Variants in DENND1A observed in about 807,000 individuals in gnomAD.
The protein encoded by DENND1A is DENN domain containing 1A.
A neutral mutation model predicts 113.7 loss-of-function variants in DENND1A; 51 were observed. That is an observed-to-expected ratio of 0.45 (90% confidence interval 0.36 to 0.57). The LOEUF is 0.57. DENND1A is among the 20% of genes least tolerant of loss of function. The pLI, the probability that DENND1A is intolerant of heterozygous loss-of-function variation, is 0.00. For missense variants in DENND1A, 1,258 were observed against 1,395.9 expected (o/e 0.90, Z 1.57); for synonymous variants, 565 against 570.8 (o/e 0.99, Z 0.14).
chr9:123,909,832 GGT>G (rs1853641095), intron 1 of DENND1A, among the ~76,000 whole-genome samples: 1 of 152,022 alleles, frequency 6.6e-6, no homozygotes, highest in South Asian at 2.1e-4. Flanking sequence ...CATTTAGCAA[GGT>G]TGCTGGATAC....
chr9:123,476,302 C>G (rs181103998), intron 13 of DENND1A, among the ~76,000 whole-genome samples: 1 of 152,118 alleles, frequency 6.6e-6, no homozygotes, highest in East Asian at 1.9e-4. Context: ...AAAGGGGTCA[C>G]GATGGTGTGG....
At chr9:123,813,165 G>A (rs1836906812) in intron 2 of DENND1A, among the ~76,000 whole-genome samples, 1 of 152,094 alleles carries the variant, frequency 6.6e-6, no homozygotes, top group Non-Finnish European at 1.5e-5. Context: ...ATCTCACTAT[G>A]TTGTCCAGGC....
intron 5 of DENND1A, among the ~76,000 whole-genome samples, chr9:123,711,500 T>TGTATATAAATATATATATAA (rs2066601396): frequency 1.3e-5 from 1 of 75,384 alleles, no homozygotes; most frequent in African/African-American, 8.0e-5. Flanking sequence ...TATATATATA[T>TGTATATAAATATATATATAA]ATATGTATAT....
At chr9:123,816,648 G>T (rs1837538082) in intron 2 of DENND1A, among the ~76,000 whole-genome samples, 1 of 152,096 alleles carries the variant, frequency 6.6e-6, no homozygotes, top group Non-Finnish European at 1.5e-5. Flanking sequence ...TAATTACCTG[G>T]TCCTCTCACA....
Position 123,642,599 on chromosome 9 carries a change from C to A in DENND1A, c.618+9414G>T, listed in dbSNP as rs139787250. On this transcript the variant is annotated intron_variant, in intron 9 of 23. Coordinates refer to ENST00000394215, the MANE Select transcript of DENND1A (RefSeq NM_001352964.2). ...TTTATTTTATTTTTTAAATAGAACA[C>A]TAAATTTAGTCTTAGAATTCTCTGT... Among the ~76,000 whole-genome samples, 299 of 152,286 alleles carry A rather than the reference C, an allele frequency of 2.0e-3. 1 individual carries two copies. The highest frequency in any genetic ancestry group is 6.8e-3 in the African/African-American group (283 of 41,546).
intron 13 of DENND1A, among the ~76,000 whole-genome samples, chr9:123,463,327 T>G (rs1045850035): frequency 6.6e-6 from 1 of 152,212 alleles, no homozygotes; most frequent in African/African-American, 2.4e-5. Context: ...ACACTATCAT[T>G]AATAAGTTGA....
At chr9:123,485,838 C>T (rs761805190) in intron 13 of DENND1A, among the ~76,000 whole-genome samples, 2 of 150,872 alleles carry the variant, frequency 1.3e-5, no homozygotes, top group African/African-American at 2.5e-5. Context: ...TGTTTTTGGC[C>T]TCCACATGCG....
At position 123,413,242 on chromosome 9, in the gene DENND1A, C is replaced by G. The variant is rs116997500; in HGVS notation, c.1489-1413G>C. The stretch of plus-strand genomic sequence containing the variant: ...AACACTGGACTTCAGAGACTCGGCA[C>G]GAGGAAAGAATGTCAGACGCCTCAG... On this transcript the variant is annotated intron_variant, in intron 19 of 23. Transcript: ENST00000394215. 5.9e-4 allele frequency: 175 copies of G among 295,678 alleles called. 1 individual carries two copies. In the East Asian group the frequency reaches 0.026, roughly 44 times the overall value. 18.3% of individuals were successfully genotyped at this position (295,678 alleles called of 1,614,324 possible).
chr9:123,727,849 G>C (rs1372441330), intron 5 of DENND1A, among the ~76,000 whole-genome samples: 2 of 152,176 alleles, frequency 1.3e-5, no homozygotes, highest in Non-Finnish European at 2.9e-5. Flanking sequence ...GCTCATGCCT[G>C]TAATCCCAGC....
At chr9:123,886,342 G>A (rs1849079221) in intron 1 of DENND1A, among the ~76,000 whole-genome samples, 2 of 152,094 alleles carry the variant, frequency 1.3e-5, no homozygotes, top group African/African-American at 4.8e-5. Flanking sequence ...TGGTAACCAT[G>A]CCACAATGGT....
intron 2 of DENND1A, among the ~76,000 whole-genome samples, chr9:123,819,828 T>C (rs915865694): frequency 1.3e-5 from 2 of 152,204 alleles, no homozygotes; most frequent in African/African-American, 4.8e-5. Flanking sequence ...TGAGCCACCA[T>C]GCCCAGCTGG....
chr9:123,830,371 G>C (rs1839989447), intron 2 of DENND1A, among the ~76,000 whole-genome samples: 1 of 152,098 alleles, frequency 6.6e-6, no homozygotes, highest in Admixed American at 6.5e-5. Flanking sequence ...ATAAAGAGAA[G>C]AGTATATGGG....
At chr9:123,651,237 A>G (rs1395741426) in intron 9 of DENND1A, among the ~76,000 whole-genome samples, 1 of 152,212 alleles carries the variant, frequency 6.6e-6, no homozygotes, top group Non-Finnish European at 1.5e-5. Flanking sequence ...AATAAATGTG[A>G]AAGGATATTA....
At chr9:123,593,658 CTTTTT>C (rs1191249073) in intron 11 of DENND1A, among the ~76,000 whole-genome samples, 1 of 151,866 alleles carries the variant, frequency 6.6e-6, no homozygotes, top group East Asian at 1.9e-4. Flanking sequence ...TTTTCTTTTT[CTTTTT>C]TTTAAAGGGA....
At chr9:123,543,907 T>C (rs1002972083) in intron 13 of DENND1A, among the ~76,000 whole-genome samples, 2 of 40,620 alleles carry the variant, frequency 4.9e-5, no homozygotes, top group Admixed American at 4.5e-4. Flanking sequence ...TATTTGTCAG[T>C]GTGTGTGCAA....
At chr9:123,524,725 G>A (rs1442359793) in intron 13 of DENND1A, among the ~76,000 whole-genome samples, 1 of 152,218 alleles carries the variant, frequency 6.6e-6, no homozygotes, top group African/African-American at 2.4e-5. Flanking sequence ...AGGCTGGGCA[G>A]TAACAGTTGA....
intron 12 of DENND1A, among the ~76,000 whole-genome samples, chr9:123,565,399 C>T (rs148631559): frequency 2.8e-4 from 42 of 152,322 alleles, no homozygotes; most frequent in African/African-American, 9.6e-4. Flanking sequence ...AAGCCCGGCT[C>T]AAGTTAGTCT....
chr9:123,800,570 T>G (rs920372050), intron 2 of DENND1A, among the ~76,000 whole-genome samples: 10 of 152,216 alleles, frequency 6.6e-5, no homozygotes, highest in African/African-American at 2.4e-4. Context: ...CATCCTCCTG[T>G]TGATCTGTCT....
rs779521644 is a variant in DENND1A at position 123,383,852 on chromosome 9, G to T, written c.1822C>A (p.Pro608Thr). The T allele has an allele frequency of 6.8e-6, 11 of 1,613,706 alleles. No homozygotes were observed. In the East Asian group the frequency reaches 2.2e-4, roughly 33 times the overall value. The change falls in exon 23 of 24, where the codon CCA (proline) becomes ACA (threonine). Residue 608 changes from proline (P) to threonine (T), a missense_variant. Coordinates refer to ENST00000394215, the MANE Select transcript of DENND1A (RefSeq NM_001352964.2). ...DSAEGDEAES[P>T]EQQVRKSTGP... Reference sequence around the variant, plus strand: ...GTGGACTTCCGCACTTGCTGCTCTGGACTCTCTGCCTCGTCGCCTTCCGCG... The same window carrying T: ...GTGGACTTCCGCACTTGCTGCTCTGTACTCTCTGCCTCGTCGCCTTCCGCG...
Sources: gnomAD v4.1 joint callset for allele counts (sites outside exome capture counted in the v4.1 genomes callset) on GRCh38, gnomAD v4.1.1 for gene constraint, MANE v1.5 for transcripts, NCBI Gene and HGNC (gene_info 2026-07-23, HGNC 2026-07-21) for gene names.